Variants in SYT7 observed in about 807,000 individuals in gnomAD.
SYT7 encodes the protein synaptotagmin 7.
SYT7 carries 29 observed loss-of-function variants against 75.1 expected under a neutral mutation model. The observed-to-expected ratio is 0.39, with a 90% CI of 0.29 to 0.53. The LOEUF (loss-of-function observed/expected upper bound fraction) is 0.53. Among genes scored for constraint, SYT7 ranks in the 20% least tolerant of loss-of-function variants. SYT7 has a pLI of 0.77. For missense variants in SYT7, 693 were observed against 953.2 expected (o/e 0.73, Z 3.59); for synonymous variants, 376 against 401.7 (o/e 0.94, Z 0.76).
chr11:61,567,464 C>T (rs1215433464), intron 1 of SYT7, among the ~76,000 whole-genome samples: 1 of 152,232 alleles, frequency 6.6e-6, no homozygotes, highest in Non-Finnish European at 1.5e-5. Flanking sequence ...TTGCGCAGCT[C>T]CCAGCGAGCA....
At position 61,542,139 on chromosome 11, in the gene SYT7, C is replaced by T. The variant is rs1590878428; in HGVS notation, c.941+72G>A. 1 of 1,485,218 alleles carries T rather than the reference C, an allele frequency of 6.7e-7. No individual in the cohort carries two copies. 92.0% of individuals were successfully genotyped at this position (1,485,218 alleles called of 1,614,324 possible). A position where few individuals can be genotyped will look rare whatever the true frequency, so the allele number is the denominator to read the frequency against. On this transcript the variant is annotated intron_variant, in intron 6 of 12. Transcript: ENST00000539008. The surrounding 1 kb of genome is among the most constrained non-coding windows in gnomAD (Gnocchi z 7.8). ...CGGGAGGTACACACAACCAGCTGCT[C>T]CCAAGGAGATCTGGGGGGCAGGAGG...
At chr11:61,535,637 G>A (rs1002514240) in intron 7 of SYT7, among the ~76,000 whole-genome samples, 4 of 152,148 alleles carry the variant, frequency 2.6e-5, no homozygotes, top group Non-Finnish European at 5.9e-5. Context: ...TGGGGACAGA[G>A]GCAGTGACTG....
chr11:61,549,104 G>A (rs992710934), intron 3 of SYT7, among the ~76,000 whole-genome samples: 1 of 152,128 alleles, frequency 6.6e-6, no homozygotes, highest in African/African-American at 2.4e-5. Flanking sequence ...CAAAGATGGA[G>A]CAGGTAGCAG....
chr11:61,543,799 G>A (rs929041718), intron 5 of SYT7, among the ~76,000 whole-genome samples: 1 of 152,224 alleles, frequency 6.6e-6, no homozygotes, highest in East Asian at 1.9e-4. Flanking sequence ...ATATCCCACA[G>A]GCAGGGCCAG....
In SYT7 at chr11:61,531,619, C is replaced by T. The variant is rs535675309; in HGVS notation, c.1200+1370G>A. On this transcript the variant is annotated intron_variant, in intron 8 of 12. Transcript: ENST00000539008. Reference sequence around the variant, plus strand: ...CAAGAAAACCACAGGATAGACCGGGCGCAGTGGCTCATGCCTGTAATCACA... The same window carrying T: ...CAAGAAAACCACAGGATAGACCGGGTGCAGTGGCTCATGCCTGTAATCACA... Among the ~76,000 whole-genome samples, 11 of 151,920 alleles carry T rather than the reference C, an allele frequency of 7.2e-5. No individual in the cohort carries two copies. In the East Asian group the frequency reaches 1.9e-3, roughly 27 times the overall value.
At position 61,517,286 on chromosome 11, in the gene SYT7, C is replaced by T. The variant is rs1020301123; in HGVS notation, c.*1341G>A. ...AGCCAGTTTTAGTCTCATCAGTGGC[C>T]GAGGCAGAGAAACCACAGCTTCTTT... On this transcript the variant is annotated 3_prime_UTR_variant, in exon 13 of 13. Coordinates refer to ENST00000539008, the MANE Select transcript of SYT7 (RefSeq NM_001365809.2). 2 of 398,630 alleles carry T rather than the reference C, an allele frequency of 5.0e-6. No homozygotes were observed. The highest frequency in any genetic ancestry group is 1.3e-4 in the South Asian group (1 of 7,852). The allele number at this position is 398,630 out of a possible 1,614,324, so 24.7% of individuals were successfully genotyped here. A position where few individuals can be genotyped will look rare whatever the true frequency, so the allele number is the denominator to read the frequency against.
At chr11:61,519,654 C>T (rs2062249173) in intron 12 of SYT7, among the ~76,000 whole-genome samples, 1 of 152,166 alleles carries the variant, frequency 6.6e-6, no homozygotes, top group Non-Finnish European at 1.5e-5. Context: ...GTCTAGTTCA[C>T]AGCAACGCAG....
chr11:61,584,389 C>T (rs1168156186), upstream of SYT7, among the ~76,000 whole-genome samples: 5 of 87,644 alleles, frequency 5.7e-5, no homozygotes, highest in African/African-American at 2.3e-4. Context: ...AATGAGACTC[C>T]GTCTCAAAAA....
chr11:61,557,508 T>G (rs2063530495), intron 1 of SYT7, among the ~76,000 whole-genome samples: 1 of 152,052 alleles, frequency 6.6e-6, no homozygotes, highest in African/African-American at 2.4e-5. Flanking sequence ...GCTCCCTCCC[T>G]CCTCCACTCC....
rs145679551 is a variant in SYT7 at position 61,580,028 on chromosome 11, G to T, written c.31+762C>A. ...AAGATTCTTCGGCTTTGGCTTAGAG[G>T]ATACCAAGCAGACAGTGGGCTCCCA... On this transcript the variant is annotated intron_variant, in intron 1 of 12. Coordinates refer to ENST00000539008, the MANE Select transcript of SYT7 (RefSeq NM_001365809.2). The surrounding 1 kb of genome is among the most constrained non-coding windows in gnomAD (Gnocchi z 6.1). Among the ~76,000 whole-genome samples the T allele has an allele frequency of 3.1e-3, 466 of 152,286 alleles. 6 individuals are homozygous for T. The South Asian group carries it at 0.038, about 13-fold the overall frequency.
chr11:61,571,034 T>A (rs1056385988), intron 1 of SYT7, among the ~76,000 whole-genome samples: 1 of 152,200 alleles, frequency 6.6e-6, no homozygotes, highest in Admixed American at 6.5e-5. Context: ...AATGAAGCAC[T>A]GAAAGGTTAA....
At position 61,530,938 on chromosome 11, in the gene SYT7, G is replaced by A. The variant is rs968442931; in HGVS notation, c.1200+2051C>T. 54 of 985,318 alleles carry A rather than the reference G, an allele frequency of 5.5e-5. No homozygotes were observed. The African/African-American group carries it at 6.1e-4, about 11-fold the overall frequency. 61.0% of individuals were successfully genotyped at this position (985,318 alleles called of 1,614,324 possible). A position where few individuals can be genotyped will look rare whatever the true frequency, so the allele number is the denominator to read the frequency against. On this transcript the variant is annotated intron_variant, in intron 8 of 12. Transcript: ENST00000539008. ...GCTTGCACCAGCAGAAGTCAGCCTC[G>A]AAAAGCAGCAAGCCACCCCTATACC... is the stretch of plus-strand genomic sequence containing the variant.
chr11:61,562,072 G>A (rs1029947211), intron 1 of SYT7, among the ~76,000 whole-genome samples: 12 of 151,474 alleles, frequency 7.9e-5, no homozygotes, highest in South Asian at 2.1e-4. Flanking sequence ...ACACACGCAC[G>A]CACGTACACA....
intron 6 of SYT7, 123 bp from the exon 7 acceptor site, chr11:61,538,389 A>AAAGAG: frequency 4.0e-6 from 1 of 252,448 alleles, no homozygotes; most frequent in Non-Finnish European, 6.4e-6. Flanking sequence ...GAGAGAGAGA[A>AAAGAG]AGAGAGAGAG....
rs2134972060 is a variant in SYT7 at position 61,513,877 on chromosome 11, G to T, written c.*4750C>A. ...CGGGGCGTCTTCACGGGAAACAGATGGTCTGGGGAGCCACGAGCTGGGGCA... is the reference window on the plus strand; with the variant it reads ...CGGGGCGTCTTCACGGGAAACAGATTGTCTGGGGAGCCACGAGCTGGGGCA... On this transcript the variant is annotated 3_prime_UTR_variant, in exon 13 of 13. Coordinates refer to ENST00000539008, the MANE Select transcript of SYT7 (RefSeq NM_001365809.2). Among the ~76,000 whole-genome samples the T allele has an allele frequency of 6.6e-6, 1 of 152,348 alleles. No homozygotes were observed. The highest frequency in any genetic ancestry group is 2.1e-4 in the South Asian group (1 of 4,830).
At chr11:61,541,197 T>C in intron 6 of SYT7, 1 of 985,684 alleles carries the variant, frequency 1.0e-6, no homozygotes, top group Non-Finnish European at 1.2e-6. Context: ...TGCTTCCCTT[T>C]CCTCCTCCCT....
At chr11:61,585,978 T>C (rs1275382395), upstream of SYT7, among the ~76,000 whole-genome samples, 1 of 152,232 alleles carries the variant, frequency 6.6e-6, no homozygotes, top group Non-Finnish European at 1.5e-5. Context: ...TGGCAAGGGC[T>C]GGCTGTCTTT....
chr11:61,558,617 C>T (rs758958671), intron 1 of SYT7, among the ~76,000 whole-genome samples: 7 of 151,932 alleles, frequency 4.6e-5, no homozygotes, highest in Non-Finnish European at 8.8e-5. Context: ...GTGGGGAAGA[C>T]AGGTTAGAAT....
chr11:61,545,952 T>C, intron 5 of SYT7, 79 bp downstream of exon 5: 1 of 1,343,532 alleles, frequency 7.4e-7, no homozygotes, highest in Non-Finnish European at 1.0e-6. Flanking sequence ...GCAGCGGGCA[T>C]GCCAGGGGTC....
Sources: gnomAD v4.1 joint callset for allele counts (sites outside exome capture counted in the v4.1 genomes callset) on GRCh38, gnomAD v4.1.1 for gene constraint, Gnocchi (gnomAD v3.1) non-coding constraint, MANE v1.5 for transcripts, NCBI Gene and HGNC (gene_info 2026-07-23, HGNC 2026-07-21) for gene names.